Variants in MYO1E observed in about 807,000 individuals in gnomAD.
The protein encoded by MYO1E is myosin IE, also known as unconventional myosin-Ie.
MYO1E carries 68 observed loss-of-function variants against 151.1 expected under a neutral mutation model. That is an observed-to-expected ratio of 0.45 (90% CI 0.37 to 0.55). The LOEUF (loss-of-function observed/expected upper bound fraction) is 0.55, where lower values mean the gene tolerates loss of function less well. Ranked by LOEUF, MYO1E falls within the 20% of genes least tolerant of loss-of-function variation. The pLI, the probability that MYO1E is intolerant of heterozygous loss-of-function variation, is 0.00. For missense variants in MYO1E, 1,363 were observed against 1,389.3 expected (o/e 0.98, Z 0.30); for synonymous variants, 601 against 501.7 (o/e 1.20, Z -2.64).
chr15:59,280,147 G>C (rs181069168), intron 1 of MYO1E, among the ~76,000 whole-genome samples: 2 of 152,052 alleles, frequency 1.3e-5, no homozygotes, highest in Non-Finnish European at 2.9e-5. Context: ...TTAACAATAG[G>C]CTCCCAGAAA....
intron 26 of MYO1E, 83 bp downstream of exon 26, chr15:59,153,507 A>G (rs2079492963): frequency 6.9e-7 from 1 of 1,455,250 alleles, no homozygotes; most frequent in Non-Finnish European, 9.6e-7. Context: ...GTGTATTGAC[A>G]GCCCACAGGA....
chr15:59,284,973 T>G (rs2080378690), intron 1 of MYO1E, among the ~76,000 whole-genome samples: 1 of 152,208 alleles, frequency 6.6e-6, no homozygotes. Flanking sequence ...TGTTAGTCCC[T>G]GTCTTTTCAG....
chr15:59,295,876 TGGCTATGTCACTTACTGCGG>T, intron 1 of MYO1E, among the ~76,000 whole-genome samples: 1 of 152,266 alleles, frequency 6.6e-6, no homozygotes, highest in East Asian at 1.9e-4. Flanking sequence ...AGTGTAACAA[TGGCTATGTCACTTACTGCGG>T]GGTTATTATT....
At position 59,135,709 on chromosome 15, in the gene MYO1E, T is replaced by A. The variant is rs2079368348; in HGVS notation, c.*1671A>T. On this transcript the variant is annotated 3_prime_UTR_variant, in exon 28 of 28. Coordinates refer to ENST00000288235, the MANE Select transcript of MYO1E (RefSeq NM_004998.4). ...AATCTAGATCAATTTTTTTCCCTTATACGTAAGCCCTGATAATTTTTTCCC... is the reference window on the plus strand; with the variant it reads ...AATCTAGATCAATTTTTTTCCCTTAAACGTAAGCCCTGATAATTTTTTCCC... 1.3e-5 allele frequency: 2 copies of A among 152,210 alleles called. No individual in the cohort carries two copies. Among genetic ancestry groups the A allele is most frequent in the Admixed American group, 1.3e-4 (2 of 15,284 alleles). 9.4% of individuals were successfully genotyped at this position (152,210 alleles called of 1,614,324 possible).
At chr15:59,364,001 C>T (rs1159442528) in intron 1 of MYO1E, among the ~76,000 whole-genome samples, 1 of 152,170 alleles carries the variant, frequency 6.6e-6, no homozygotes, top group African/African-American at 2.4e-5. Context: ...TGGTCTCGAA[C>T]TCCTGACCTC....
At chr15:59,317,009 A>C (rs553464399) in intron 1 of MYO1E, among the ~76,000 whole-genome samples, 2 of 152,326 alleles carry the variant, frequency 1.3e-5, no homozygotes, top group East Asian at 3.9e-4. Flanking sequence ...TAGAGTATTA[A>C]GTTGTCTTCT....
At chr15:59,331,741 T>C (rs2080699309) in intron 1 of MYO1E, among the ~76,000 whole-genome samples, 1 of 152,204 alleles carries the variant, frequency 6.6e-6, no homozygotes. Context: ...AAAGTATAAA[T>C]AACTCTGTTA....
intron 3 of MYO1E, among the ~76,000 whole-genome samples, chr15:59,257,187 C>CT (rs2080198555): frequency 6.6e-6 from 1 of 152,132 alleles, no homozygotes. Context: ...AAGAGAAATA[C>CT]TTTGTTGAGT....
intron 22 of MYO1E, among the ~76,000 whole-genome samples, chr15:59,166,777 C>T (rs1359461020): frequency 1.3e-5 from 2 of 152,170 alleles, no homozygotes; most frequent in Admixed American, 6.5e-5. Flanking sequence ...AAAGCCCGGA[C>T]GCAGATGCAG....
At position 59,153,788 on chromosome 15, in the gene MYO1E, T is replaced by A. The variant is rs2079495261; in HGVS notation, c.2882A>T (p.Tyr961Phe). 1 of 1,612,466 alleles carries A rather than the reference T, an allele frequency of 6.2e-7. No individual in the cohort carries two copies. The highest frequency in any genetic ancestry group is 1.3e-5 in the African/African-American group (1 of 74,890). Reference sequence around the variant, plus strand: ...GTTTCTGATGACTCCGTTCTGATGGTATCCTAGAGAGAGGAACAGAGAAGG... The same window carrying A: ...GTTTCTGATGACTCCGTTCTGATGGAATCCTAGAGAGAGGAACAGAGAAGG... ...PVRAAPPPPG[Y>F]HQNGVIRNQY... Residue 961 changes from tyrosine (Y) to phenylalanine (F), a missense_variant, in exon 26 of 28, where the codon TAC becomes TTC. Physicochemically the swap from Tyr to Phe is conservative, Grantham distance 22. Transcript: ENST00000288235.
intron 13 of MYO1E, 99 bp downstream of exon 13, chr15:59,210,415 G>C: frequency 3.5e-6 from 3 of 859,598 alleles, no homozygotes; most frequent in Admixed American, 1.8e-5. Flanking sequence ...GCAAATCAGA[G>C]TTGTCACTTT....
At chr15:59,353,842 A>G (rs2080838934) in intron 1 of MYO1E, among the ~76,000 whole-genome samples, 1 of 152,180 alleles carries the variant, frequency 6.6e-6, no homozygotes, top group Non-Finnish European at 1.5e-5. Context: ...GCTCTGTAAA[A>G]GCGAAATTTT....
intron 12 of MYO1E, among the ~76,000 whole-genome samples, chr15:59,213,138 TA>T (rs1476803658): frequency 0.014 from 173 of 12,400 alleles, no homozygotes; most frequent in Non-Finnish European, 0.042. Flanking sequence ...ACTATTTATT[TA>T]TTATTATTAT....
chr15:59,191,572 A>G (rs1377211383), intron 17 of MYO1E, among the ~76,000 whole-genome samples: 1 of 152,146 alleles, frequency 6.6e-6, no homozygotes, highest in Non-Finnish European at 1.5e-5. Flanking sequence ...CAGGGAATGC[A>G]TCACCCATTA....
chr15:59,192,667 G>C (rs1355440667), intron 17 of MYO1E, among the ~76,000 whole-genome samples: 1 of 152,208 alleles, frequency 6.6e-6, no homozygotes, highest in East Asian at 1.9e-4. Context: ...TATTTGCTGG[G>C]AAGAGCAGGT....
chr15:59,266,510 C>A (rs781207503), intron 2 of MYO1E, among the ~76,000 whole-genome samples: 4 of 152,158 alleles, frequency 2.6e-5, no homozygotes, highest in African/African-American at 9.7e-5. Flanking sequence ...AAACAATGCA[C>A]TGAATTTTTC....
chr15:59,270,542 T>TAAA (rs777284445), intron 2 of MYO1E, among the ~76,000 whole-genome samples: 5 of 104,862 alleles, frequency 4.8e-5, no homozygotes, highest in African/African-American at 1.8e-4. Context: ...GACCCTGTCT[T>TAAA]AAAAAAAAAA....
chr15:59,142,290 G>C (rs16941063), intron 26 of MYO1E, among the ~76,000 whole-genome samples: 8,324 of 152,218 alleles, frequency 0.055, 565 homozygotes, highest in African/African-American at 0.15. Flanking sequence ...AAAAACCCTA[G>C]TGTCCTTAGT....
intron 1 of MYO1E, among the ~76,000 whole-genome samples, chr15:59,283,965 G>A (rs562704452): frequency 5.6e-4 from 86 of 152,218 alleles, no homozygotes; most frequent in African/African-American, 1.9e-3. Context: ...TTTTACAGAA[G>A]AAAAAGAAGT....
Sources: gnomAD v4.1 joint callset for allele counts (sites outside exome capture counted in the v4.1 genomes callset) on GRCh38, gnomAD v4.1.1 for gene constraint, MANE v1.5 for transcripts, NCBI Gene and HGNC (gene_info 2026-07-23, HGNC 2026-07-21) for gene names.